Variants in SH3D19 observed in about 807,000 individuals in gnomAD.
The protein encoded by SH3D19 is SH3 domain containing 19.
Under a neutral mutation model 112.1 loss-of-function variants are expected in SH3D19, and 58 were observed. The observed-to-expected ratio is 0.52, with a 90% CI of 0.42 to 0.64. The LOEUF (loss-of-function observed/expected upper bound fraction) is 0.64, where lower values mean the gene tolerates loss of function less well. Ranked by LOEUF, SH3D19 falls within the 30% of genes least tolerant of loss-of-function variation. The pLI, the probability that SH3D19 is intolerant of heterozygous loss-of-function variation, is 0.00. For synonymous variants in SH3D19, 391 were observed against 448.5 expected (o/e 0.87, Z 1.62); for missense variants, 1,090 against 1,263.4 (o/e 0.86, Z 2.08).
At chr4:151,218,736 C>T (rs530383496) in intron 2 of SH3D19, among the ~76,000 whole-genome samples, 1 of 152,254 alleles carries the variant, frequency 6.6e-6, no homozygotes, top group Admixed American at 6.5e-5. Flanking sequence ...ATGACTTCCG[C>T]ACATCTTTTT....
chr4:151,122,976 C>T (rs1241163227), intron 19 of SH3D19, among the ~76,000 whole-genome samples: 3 of 151,836 alleles, frequency 2.0e-5, no homozygotes, highest in South Asian at 2.1e-4. Context: ...CTTAGCCTCC[C>T]GAGCAGCTGG....
chr4:151,267,597 A>G (rs1212060079), intron 1 of SH3D19, among the ~76,000 whole-genome samples: 1 of 152,244 alleles, frequency 6.6e-6, no homozygotes, highest in Non-Finnish European at 1.5e-5. Context: ...AACACGTAGT[A>G]TCCTGCAAAC....
In SH3D19 at chr4:151,120,435, T is replaced by G. The variant is rs1747823428; in HGVS notation, c.*1656A>C. ...TCTTCAATATAAGATGTTAAAATTA[T>G]AAAGGCAAAGATATATACCTCATGT... is the stretch of plus-strand genomic sequence containing the variant. On this transcript the variant is annotated 3_prime_UTR_variant, in exon 20 of 20. Coordinates refer to ENST00000604030, the MANE Select transcript of SH3D19 (RefSeq NM_001378122.1). 1 of 152,588 alleles carries G rather than the reference T, an allele frequency of 6.6e-6. No individual in the cohort carries two copies. The highest frequency in any genetic ancestry group is 6.5e-5 in the Admixed American group (1 of 15,280). 9.5% of individuals were successfully genotyped at this position (152,588 alleles called of 1,614,324 possible). A position where few individuals can be genotyped will look rare whatever the true frequency, so the allele number is the denominator to read the frequency against.
chr4:151,292,358 T>A (rs1349792390), intron 1 of SH3D19, among the ~76,000 whole-genome samples: 1 of 152,112 alleles, frequency 6.6e-6, no homozygotes, highest in Admixed American at 6.6e-5. Flanking sequence ...TTCAGCCCTA[T>A]ATTTTTCTTA....
chr4:151,309,908 T>C (rs1283891607), intron 1 of SH3D19, among the ~76,000 whole-genome samples: 5 of 152,174 alleles, frequency 3.3e-5, no homozygotes, highest in Non-Finnish European at 7.4e-5. Context: ...GAGGATTTCT[T>C]GAGCCCGGGA....
chr4:151,212,914 C>A (rs1190234440), intron 2 of SH3D19, among the ~76,000 whole-genome samples: 1 of 152,184 alleles, frequency 6.6e-6, no homozygotes, highest in Admixed American at 6.5e-5. Flanking sequence ...GGCAACGTAA[C>A]AACATTAACA....
chr4:151,261,871 G>A (rs1156948967), intron 1 of SH3D19, among the ~76,000 whole-genome samples: 1 of 152,136 alleles, frequency 6.6e-6, no homozygotes, highest in Non-Finnish European at 1.5e-5. Context: ...TGTGTGGGTA[G>A]GTGGATAGGG....
intron 16 of SH3D19, among the ~76,000 whole-genome samples, chr4:151,132,648 T>G (rs1187796204): frequency 6.6e-6 from 1 of 152,206 alleles, no homozygotes. Flanking sequence ...TGCTATTTAT[T>G]TATTAGATAC....
intron 17 of SH3D19, among the ~76,000 whole-genome samples, chr4:151,130,253 G>C (rs1046862008): frequency 8.6e-5 from 13 of 151,986 alleles, no homozygotes; most frequent in African/African-American, 3.1e-4. Context: ...ACCAGCCTGG[G>C]CAACAAAATG....
chr4:151,134,247 G>C (rs968220280), intron 15 of SH3D19, among the ~76,000 whole-genome samples: 1 of 152,208 alleles, frequency 6.6e-6, no homozygotes, highest in African/African-American at 2.4e-5. Context: ...GCTTATGTCT[G>C]ACCTATTCAT....
intron 12 of SH3D19, among the ~76,000 whole-genome samples, chr4:151,143,508 A>G (rs1753380932): frequency 2.0e-5 from 3 of 152,206 alleles, no homozygotes; most frequent in Admixed American, 6.5e-5. Context: ...AGCAAACTTC[A>G]AAAGATAAAC....
At chr4:151,323,811 C>T (rs1730779342) in intron 1 of SH3D19, among the ~76,000 whole-genome samples, 1 of 152,196 alleles carries the variant, frequency 6.6e-6, no homozygotes, top group South Asian at 2.1e-4. Context: ...ATGATAAACA[C>T]ACATCTGGAT....
At chr4:151,223,383 A>G (rs1768430886) in intron 2 of SH3D19, among the ~76,000 whole-genome samples, 1 of 152,018 alleles carries the variant, frequency 6.6e-6, no homozygotes, top group Admixed American at 6.6e-5. Flanking sequence ...TGGATACTCA[A>G]ATTACCCCAA....
chr4:151,223,017 T>C (rs1377691475), intron 2 of SH3D19, among the ~76,000 whole-genome samples: 1 of 150,756 alleles, frequency 6.6e-6, no homozygotes, highest in Non-Finnish European at 1.5e-5. Flanking sequence ...TTTTTTTTTT[T>C]TTTTTCCTTA....
chr4:151,288,542 T>C (rs950266954), intron 1 of SH3D19, among the ~76,000 whole-genome samples: 7 of 151,882 alleles, frequency 4.6e-5, no homozygotes, highest in Non-Finnish European at 1.0e-4. Flanking sequence ...AGTTCAGGAG[T>C]TCGAGACCAG....
chr4:151,187,726 C>G (rs1482933291), intron 2 of SH3D19, among the ~76,000 whole-genome samples: 1 of 152,144 alleles, frequency 6.6e-6, no homozygotes, highest in Non-Finnish European at 1.5e-5. Flanking sequence ...ACTGTATCTT[C>G]CAGTGAAAAT....
At chr4:151,193,413 C>A (rs1264280559) in intron 2 of SH3D19, among the ~76,000 whole-genome samples, 1 of 152,040 alleles carries the variant, frequency 6.6e-6, no homozygotes, top group Admixed American at 6.6e-5. Flanking sequence ...TTGAAATTGG[C>A]AATAAATACT....
intron 1 of SH3D19, among the ~76,000 whole-genome samples, chr4:151,278,777 T>C (rs1417627668): frequency 6.6e-6 from 1 of 152,278 alleles, no homozygotes; most frequent in African/African-American, 2.4e-5. Flanking sequence ...ACTACAGGCA[T>C]GCACCATCAT....
At chr4:151,325,050 T>G (rs963977181) in intron 1 of SH3D19, among the ~76,000 whole-genome samples, 191 bp downstream of exon 1, 3 of 152,218 alleles carry the variant, frequency 2.0e-5, no homozygotes, top group Admixed American at 2.0e-4. Context: ...CGGGTCTGAA[T>G]TTCCTCGGGC....
Sources: gnomAD v4.1 joint callset for allele counts (sites outside exome capture counted in the v4.1 genomes callset) on GRCh38, gnomAD v4.1.1 for gene constraint, MANE v1.5 for transcripts, NCBI Gene and HGNC (gene_info 2026-07-23, HGNC 2026-07-21) for gene names.